DDAH1: variants seen among roughly 807,000 people sequenced by gnomAD.
DDAH1 encodes N(G),N(G)-dimethylarginine dimethylaminohydrolase 1.
A neutral mutation model predicts 28.8 loss-of-function variants in DDAH1; 19 were observed. That is an observed-to-expected ratio of 0.66 (90% CI 0.46 to 0.97). The LOEUF (loss-of-function observed/expected upper bound fraction) is 0.97. Among genes scored for constraint, DDAH1 ranks in the 50% least tolerant of loss-of-function variants. The pLI is 0.00. For missense variants in DDAH1, 326 were observed against 375.9 expected (o/e 0.87, Z 1.10); for synonymous variants, 153 against 154.4 (o/e 0.99, Z 0.07).
intron 1 of DDAH1, among the ~76,000 whole-genome samples, chr1:85,402,858 G>A (rs1404202314): frequency 4.0e-5 from 6 of 148,920 alleles, no homozygotes; most frequent in South Asian, 2.1e-4. Context: ...GCAGTGAGCC[G>A]AGATAGCGCC....
At chr1:85,379,007 T>A (rs561398432) in intron 1 of DDAH1, among the ~76,000 whole-genome samples, 1 of 152,306 alleles carries the variant, frequency 6.6e-6, no homozygotes, top group Admixed American at 6.5e-5. Context: ...TGCAAAAATA[T>A]GTCTTAGGCC....
At chr1:85,559,657 A>T (rs1378116087) in intron 1 of DDAH1, among the ~76,000 whole-genome samples, 5 of 152,204 alleles carry the variant, frequency 3.3e-5, no homozygotes, top group Non-Finnish European at 5.9e-5. Flanking sequence ...ATCAAATAGA[A>T]CTTCTAGGGA....
At chr1:85,427,737 G>A (rs566145118) in intron 1 of DDAH1, among the ~76,000 whole-genome samples, 1 of 152,310 alleles carries the variant, frequency 6.6e-6, no homozygotes, top group African/African-American at 2.4e-5. Flanking sequence ...GAGAAAGAAA[G>A]AGGGATAGAA....
intron 1 of DDAH1, among the ~76,000 whole-genome samples, chr1:85,536,306 G>A (rs1243091666): frequency 6.6e-6 from 1 of 151,972 alleles, no homozygotes; most frequent in Non-Finnish European, 1.5e-5. Context: ...TGTAATCCCA[G>A]CACTTTGGGA....
At chr1:85,424,109 A>T (rs1262888404) in intron 1 of DDAH1, among the ~76,000 whole-genome samples, 1 of 152,076 alleles carries the variant, frequency 6.6e-6, no homozygotes, top group African/African-American at 2.4e-5. Context: ...TATTAGATTC[A>T]ATTTCCTAAT....
intron 1 of DDAH1, among the ~76,000 whole-genome samples, chr1:85,378,092 C>T (rs1650780316): frequency 6.6e-6 from 1 of 152,066 alleles, no homozygotes; most frequent in Admixed American, 6.6e-5. Flanking sequence ...CTGTTCAACA[C>T]AAATGGTATC....
intron 1 of DDAH1, among the ~76,000 whole-genome samples, chr1:85,434,466 G>A (rs1653840461): frequency 6.6e-6 from 1 of 151,980 alleles, no homozygotes; most frequent in African/African-American, 2.4e-5. Flanking sequence ...ACCCAGGCTG[G>A]AGTGCAGTGG....
intron 1 of DDAH1, among the ~76,000 whole-genome samples, chr1:85,377,762 G>T (rs1185497679): frequency 7.8e-6 from 1 of 128,024 alleles, no homozygotes. Flanking sequence ...TAAAATTTTT[G>T]AGTAATCCAT....
chr1:85,573,894 A>C (rs1366019508), intron 1 of DDAH1, among the ~76,000 whole-genome samples: 2 of 152,236 alleles, frequency 1.3e-5, no homozygotes, highest in Non-Finnish European at 2.9e-5. Context: ...ACAATTTCAC[A>C]GGTGGCTGGG....
At chr1:85,480,825 G>C (rs944409531) in intron 2 of DDAH1, among the ~76,000 whole-genome samples, 1 of 151,754 alleles carries the variant, frequency 6.6e-6, no homozygotes, top group South Asian at 2.1e-4. Context: ...TATAATAAAA[G>C]AGTAGTTAAA....
chr1:85,368,998 T>C (rs1033888617), intron 1 of DDAH1, among the ~76,000 whole-genome samples: 4 of 151,696 alleles, frequency 2.6e-5, no homozygotes, highest in Admixed American at 2.6e-4. Context: ...AGCCCAAATG[T>C]AGGTCCTGGC....
chr1:85,505,033 T>G (rs1656965876), intron 1 of DDAH1, among the ~76,000 whole-genome samples: 1 of 133,594 alleles, frequency 7.5e-6, no homozygotes, highest in Admixed American at 8.3e-5. Flanking sequence ...TTGCCCAGGC[T>G]GGAGTGCAAT....
At chr1:85,435,957 A>ATTTT (rs112689101) in intron 1 of DDAH1, among the ~76,000 whole-genome samples, 8 of 147,720 alleles carry the variant, frequency 5.4e-5, no homozygotes, top group South Asian at 2.1e-4. Flanking sequence ...TGCCCGGCTA[A>ATTTT]TTTTGTGTGT....
chr1:85,321,291 G>T lies in DDAH1; in HGVS notation c.*161C>A. ...GTACCACCTCGAGGGGAGGGAGGGTGGGGGTGTTGAATGAAGCAATTCAAC... is the reference window on the plus strand; with the variant it reads ...GTACCACCTCGAGGGGAGGGAGGGTTGGGGTGTTGAATGAAGCAATTCAAC... On this transcript the variant is annotated 3_prime_UTR_variant, in exon 6 of 6. Transcript: ENST00000284031. 2 of 600,784 alleles carry T rather than the reference G, an allele frequency of 3.3e-6. No individual in the cohort carries two copies. Among genetic ancestry groups the T allele is most frequent in the East Asian group, 2.7e-5 (1 of 37,686 alleles). 37.2% of individuals were successfully genotyped at this position (600,784 alleles called of 1,614,324 possible).
At chr1:85,379,086 T>C (rs1570457899) in intron 1 of DDAH1, among the ~76,000 whole-genome samples, 2 of 152,246 alleles carry the variant, frequency 1.3e-5, no homozygotes, top group African/African-American at 4.8e-5. Flanking sequence ...ATTTCCATTA[T>C]GGTTTATCTG....
intron 4 of DDAH1, among the ~76,000 whole-genome samples, chr1:85,326,898 C>G (rs1570374562): frequency 6.6e-6 from 1 of 152,164 alleles, no homozygotes; most frequent in South Asian, 2.1e-4. Flanking sequence ...TAAAGATTAA[C>G]TTTTCTAAGA....
At chr1:85,455,964 T>C (rs1654862243) in intron 1 of DDAH1, among the ~76,000 whole-genome samples, 1 of 152,188 alleles carries the variant, frequency 6.6e-6, no homozygotes, top group Non-Finnish European at 1.5e-5. Context: ...AAAATCAGTA[T>C]TTTTTATTTA....
chr1:85,560,547 A>G (rs1340549035), intron 1 of DDAH1, among the ~76,000 whole-genome samples: 2 of 152,130 alleles, frequency 1.3e-5, no homozygotes, highest in Non-Finnish European at 2.9e-5. Context: ...ATGAAAATAT[A>G]TTATTGTAAG....
intron 4 of DDAH1, among the ~76,000 whole-genome samples, chr1:85,346,970 C>T (rs1177672685): frequency 2.0e-5 from 3 of 152,128 alleles, no homozygotes; most frequent in Non-Finnish European, 4.4e-5. Context: ...TGAACAGACA[C>T]TTCTCAAAAG....
Sources: allele counts gnomAD v4.1 joint callset (sites outside exome capture counted in the v4.1 genomes callset), GRCh38; gene constraint gnomAD v4.1.1; transcripts MANE v1.5; gene names NCBI Gene and HGNC (gene_info 2026-07-23, HGNC 2026-07-21).